The following MCU variants were observed in gnomAD, a reference collection of about 807,000 sequenced individuals.
The protein encoded by MCU is calcium uniporter protein, mitochondrial.
In MCU, 12 loss-of-function variants were observed where a neutral mutation model predicts 45.2. The ratio of observed to expected loss-of-function variants is 0.27; its 90% CI spans 0.17 to 0.43. The LOEUF (loss-of-function observed/expected upper bound fraction) is 0.43, where lower values mean the gene tolerates loss of function less well. MCU is among the 20% of genes least tolerant of loss of function. The pLI, the probability that MCU is intolerant of heterozygous loss-of-function variation, is 1.00. For synonymous variants in MCU, 160 were observed against 165.1 expected, an observed-to-expected ratio of 0.97 and a Z score of 0.24; for missense variants, 324 against 436.7, an observed-to-expected ratio of 0.74 and a Z score of 2.30.
chr10:72,859,495 A>G (rs1845344390), intron 3 of MCU, 148 bp downstream of exon 3: 1 of 597,546 alleles, frequency 1.7e-6, no homozygotes, highest in Non-Finnish European at 2.8e-6. Context: ...AGCACTTACC[A>G]GGAGAGAAAG....
At chr10:72,699,368 G>A (rs1377986536) in intron 1 of MCU, among the ~76,000 whole-genome samples, 1 of 151,956 alleles carries the variant, frequency 6.6e-6, no homozygotes, top group Admixed American at 6.6e-5. Flanking sequence ...TTAGCTGGGT[G>A]TGGTGGTGCG....
At chr10:72,761,741 A>G (rs1487758487) in intron 1 of MCU, among the ~76,000 whole-genome samples, 1 of 152,046 alleles carries the variant, frequency 6.6e-6, no homozygotes, top group Non-Finnish European at 1.5e-5. Context: ...TAGTTTTTTG[A>G]TTGTATAGAT....
At chr10:72,864,810 T>C (rs1845429509) in intron 4 of MCU, among the ~76,000 whole-genome samples, 1 of 152,212 alleles carries the variant, frequency 6.6e-6, no homozygotes, top group Non-Finnish European at 1.5e-5. Flanking sequence ...TAGCCATTTA[T>C]CAGCTATGCT....
At chr10:72,872,386 T>A (rs1845557314) in intron 6 of MCU, among the ~76,000 whole-genome samples, 1 of 152,154 alleles carries the variant, frequency 6.6e-6, no homozygotes, top group Admixed American at 6.6e-5. Context: ...TTAACTAACT[T>A]TTCCCTATCC....
At chr10:72,698,637 T>TGGGGGGGA (rs1842718808) in intron 1 of MCU, among the ~76,000 whole-genome samples, 1 of 152,296 alleles carries the variant, frequency 6.6e-6, no homozygotes, top group African/African-American at 2.4e-5. Flanking sequence ...CCCGAGTAGA[T>TGGGGGGGA]GGGGCTAAAG....
chr10:72,709,542 C>T (rs1326697514), intron 1 of MCU, among the ~76,000 whole-genome samples: 1 of 151,976 alleles, frequency 6.6e-6, no homozygotes, highest in Non-Finnish European at 1.5e-5. Flanking sequence ...AATGCTGGTG[C>T]TAGACACTGC....
chr10:72,808,357 G>A (rs930221707), intron 1 of MCU, among the ~76,000 whole-genome samples: 2 of 152,268 alleles, frequency 1.3e-5, no homozygotes, highest in Non-Finnish European at 2.9e-5. Flanking sequence ...TAGCTTCAAC[G>A]GAACATATAA....
intron 1 of MCU, among the ~76,000 whole-genome samples, chr10:72,733,631 G>T (rs1843209718): frequency 6.6e-6 from 1 of 151,422 alleles, no homozygotes; most frequent in South Asian, 2.1e-4. Flanking sequence ...TTATGGCAGT[G>T]CTTGGCACAT....
chr10:72,754,932 C>G (rs558456135), intron 1 of MCU, among the ~76,000 whole-genome samples: 1 of 152,194 alleles, frequency 6.6e-6, no homozygotes, highest in African/African-American at 2.4e-5. Flanking sequence ...AGCACTTCTA[C>G]AGAGTTATAA....
intron 1 of MCU, among the ~76,000 whole-genome samples, chr10:72,774,959 C>T (rs534126118): frequency 6.6e-6 from 1 of 152,022 alleles, no homozygotes; most frequent in Non-Finnish European, 1.5e-5. Context: ...TAGTAGGGCA[C>T]TTTAACACCA....
chr10:72,814,247 G>A (rs181713993), intron 1 of MCU, among the ~76,000 whole-genome samples: 27 of 152,252 alleles, frequency 1.8e-4, no homozygotes, highest in Admixed American at 1.7e-3. Flanking sequence ...TTATAGTATG[G>A]CATTCTGCAA....
chr10:72,871,357 T>C lies in MCU; in HGVS notation c.658-20T>C. ...ATTGGTTTTATGTCAAAATGCCTTA[T>C]GATTATGTGTGCCCAATAGGTACGA... On this transcript the variant is annotated intron_variant, in intron 5 of 7. Coordinates refer to ENST00000373053, the MANE Select transcript of MCU (RefSeq NM_138357.3). 2 of 1,612,106 alleles carry C rather than the reference T, an allele frequency of 1.2e-6. No individual in the cohort carries two copies. Among genetic ancestry groups the C allele is most frequent in the Non-Finnish European group, 1.7e-6 (2 of 1,178,162 alleles).
chr10:72,822,532 A>T (rs550036106), intron 1 of MCU, among the ~76,000 whole-genome samples: 10 of 152,368 alleles, frequency 6.6e-5, no homozygotes, highest in African/African-American at 2.4e-4. Flanking sequence ...AAAATGGGCA[A>T]AAGTTCTGAA....
At chr10:72,802,093 G>A (rs539853648) in intron 1 of MCU, among the ~76,000 whole-genome samples, 1 of 152,226 alleles carries the variant, frequency 6.6e-6, no homozygotes, top group East Asian at 1.9e-4. Flanking sequence ...TTCCACTATT[G>A]AGAGGTTCAT....
chr10:72,843,249 T>C (rs2132847059), intron 2 of MCU, among the ~76,000 whole-genome samples: 1 of 152,330 alleles, frequency 6.6e-6, no homozygotes, highest in South Asian at 2.1e-4. Context: ...TATCCACTGT[T>C]ATAGTATCAC....
At chr10:72,698,985 GT>G (rs1213532598) in intron 1 of MCU, among the ~76,000 whole-genome samples, 3 of 152,012 alleles carry the variant, frequency 2.0e-5, no homozygotes, top group Non-Finnish European at 4.4e-5. Context: ...TAAATTTTTT[GT>G]AGAGATGAAG....
chr10:72,772,435 G>A (rs895767823), intron 1 of MCU, among the ~76,000 whole-genome samples: 1 of 152,244 alleles, frequency 6.6e-6, no homozygotes, highest in Middle Eastern at 3.4e-3. Context: ...AGTGGCTCAC[G>A]CCTGCAATCC....
Position 72,708,643 on chromosome 10 carries a change from T to A in MCU, c.150+16342T>A, listed in dbSNP as rs147390833. Among the ~76,000 whole-genome samples the A allele has an allele frequency of 3.1e-3, 474 of 152,220 alleles. 2 individuals are homozygous for A. Among genetic ancestry groups the A allele is most frequent in the African/African-American group, 0.011 (441 of 41,520 alleles). ...CTGGCAACTATTGTCTAAATCCTTC[T>A]CCCCTGTGGGTAACACAGCTGTAGA... On this transcript the variant is annotated intron_variant, in intron 1 of 7. Transcript: ENST00000373053.
At chr10:72,856,768 TAAAAA>T (rs1204072398) in intron 2 of MCU, among the ~76,000 whole-genome samples, 2 of 64,950 alleles carry the variant, frequency 3.1e-5, no homozygotes, top group Non-Finnish European at 5.9e-5. Flanking sequence ...ACCCTGTCTC[TAAAAA>T]AAAAAAAAAA....
Sources: allele counts gnomAD v4.1 joint callset (sites outside exome capture counted in the v4.1 genomes callset), GRCh38; gene constraint gnomAD v4.1.1; transcripts MANE v1.5; gene names NCBI Gene and HGNC (gene_info 2026-07-23, HGNC 2026-07-21).